Variants in IMMP2L observed in about 807,000 individuals in gnomAD.
IMMP2L encodes inner mitochondrial membrane peptidase subunit 2, also known as mitochondrial inner membrane protease subunit 2.
A neutral mutation model predicts 19.3 loss-of-function variants in IMMP2L; 18 were observed. The observed-to-expected ratio is 0.93, with a 90% CI of 0.64 to 1.38. The LOEUF (loss-of-function observed/expected upper bound fraction) is 1.38, where lower values mean the gene tolerates loss of function less well. IMMP2L is among the 40% of genes most tolerant of loss of function. The pLI, the probability that IMMP2L is intolerant of heterozygous loss-of-function variation, is 0.00. For missense variants in IMMP2L, 233 were observed against 218.2 expected (o/e 1.07, Z -0.43); for synonymous variants, 76 against 73.0 (o/e 1.04, Z -0.21).
At chr7:110,970,856 C>T (rs1820070137) in intron 3 of IMMP2L, among the ~76,000 whole-genome samples, 1 of 152,098 alleles carries the variant, frequency 6.6e-6, no homozygotes. Flanking sequence ...ATAAATCCAT[C>T]AATCTAGCCT....
chr7:111,505,071 C>T (rs1043214873), intron 2 of IMMP2L, among the ~76,000 whole-genome samples: 4 of 152,034 alleles, frequency 2.6e-5, no homozygotes, highest in Non-Finnish European at 4.4e-5. Context: ...GCAACCTACT[C>T]ATCTGACAAA....
At chr7:110,981,269 A>C (rs1821267437) in intron 3 of IMMP2L, among the ~76,000 whole-genome samples, 1 of 152,108 alleles carries the variant, frequency 6.6e-6, no homozygotes, top group South Asian at 2.1e-4. Flanking sequence ...TGAAAATAAA[A>C]AAAGAAAAAA....
At chr7:111,015,183 C>A (rs140432763) in intron 3 of IMMP2L, among the ~76,000 whole-genome samples, 149 of 152,142 alleles carry the variant, frequency 9.8e-4, no homozygotes, top group African/African-American at 3.5e-3. Flanking sequence ...AATGGACAAA[C>A]AAATGTGATA....
intron 1 of IMMP2L, among the ~76,000 whole-genome samples, chr7:111,523,833 T>C (rs759662857): frequency 9.2e-5 from 14 of 152,154 alleles, no homozygotes; most frequent in Non-Finnish European, 1.9e-4. Flanking sequence ...TTAACCACTA[T>C]ATTCCTAAAA....
At chr7:110,831,332 TC>T (rs1262605218) in intron 5 of IMMP2L, among the ~76,000 whole-genome samples, 1 of 152,076 alleles carries the variant, frequency 6.6e-6, no homozygotes, top group African/African-American at 2.4e-5. Context: ...TATTGCCCCC[TC>T]CCCTAGAAAC....
chr7:111,064,199 T>TAA lies in IMMP2L; in HGVS notation c.240-100636_240-100635dup, dbSNP rs1586039380. On this transcript the variant is annotated intron_variant, in intron 3 of 5. Transcript: ENST00000405709. Reference sequence around the variant, plus strand: ...CTTGTGCAGGGAAACTCTTACTTTTTAAACCATCAGATCTCATGGGATGCT... The same window carrying TAA: ...CTTGTGCAGGGAAACTCTTACTTTTTAAAAACCATCAGATCTCATGGGATGCT... 2.0e-5 allele frequency among the ~76,000 whole-genome samples: 3 copies of TAA among 152,268 alleles called. No homozygotes were observed. The East Asian group carries it at 5.8e-4, about 29-fold the overall frequency.
At chr7:111,495,836 TC>T (rs1018378870) in intron 2 of IMMP2L, among the ~76,000 whole-genome samples, 4 of 152,168 alleles carry the variant, frequency 2.6e-5, no homozygotes, top group Non-Finnish European at 5.9e-5. Context: ...TACAATGCTT[TC>T]AACCTTTTCA....
At chr7:111,250,325 C>A (rs372944729) in intron 3 of IMMP2L, among the ~76,000 whole-genome samples, 7 of 152,230 alleles carry the variant, frequency 4.6e-5, no homozygotes, top group African/African-American at 1.2e-4. Context: ...AATGGCCATA[C>A]TCCCCAAAGT....
intron 3 of IMMP2L, among the ~76,000 whole-genome samples, chr7:111,446,112 C>A (rs959144958): frequency 6.6e-6 from 1 of 151,970 alleles, no homozygotes; most frequent in African/African-American, 2.4e-5. Context: ...AACTGCAAGG[C>A]GGCAGCAAGG....
chr7:111,144,690 G>A lies in IMMP2L; in HGVS notation c.240-181125C>T, dbSNP rs538328825. On this transcript the variant is annotated intron_variant, in intron 3 of 5. Coordinates refer to ENST00000405709, the MANE Select transcript of IMMP2L (RefSeq NM_032549.4). ...ATAAAAAACAGTAGACAAGAAATAAGTGAATGGATTACAATGAAAGAGATA... is the reference window on the plus strand; with the variant it reads ...ATAAAAAACAGTAGACAAGAAATAAATGAATGGATTACAATGAAAGAGATA... Among the ~76,000 whole-genome samples the A allele has an allele frequency of 8.5e-5, 13 of 152,174 alleles. No individual in the cohort carries two copies. In the South Asian group the frequency reaches 2.3e-3, roughly 27 times the overall value.
rs1808410781 is a variant in IMMP2L, at chr7:110,870,396, T to A, written c.408+16197A>T. On this transcript the variant is annotated intron_variant, in intron 5 of 5. Coordinates refer to ENST00000405709, the MANE Select transcript of IMMP2L (RefSeq NM_032549.4). The surrounding 1 kb of genome is among the most constrained non-coding windows in gnomAD (Gnocchi z 4.2). The stretch of plus-strand genomic sequence containing the variant: ...TTAACAAAATGTAGTAGGTGCCTAT[T>A]ATGAGCCAGCCAGGCACTGTGCTAC... Among the ~76,000 whole-genome samples, 1 of 152,106 alleles carries A rather than the reference T, an allele frequency of 6.6e-6. No individual in the cohort carries two copies. Among genetic ancestry groups the A allele is most frequent in the Non-Finnish European group, 1.5e-5 (1 of 68,018 alleles).
At chr7:111,306,561 G>T (rs934371495) in intron 3 of IMMP2L, among the ~76,000 whole-genome samples, 1 of 150,654 alleles carries the variant, frequency 6.6e-6, no homozygotes, top group African/African-American at 2.4e-5. Flanking sequence ...ATATTTAAAG[G>T]CCTTTCATTT....
At chr7:111,554,904 C>CT (rs1442172480) in intron 1 of IMMP2L, among the ~76,000 whole-genome samples, 3 of 152,196 alleles carry the variant, frequency 2.0e-5, no homozygotes, top group Admixed American at 6.5e-5. Context: ...TTTATATATC[C>CT]ATTTTTCTCA....
intron 1 of IMMP2L, among the ~76,000 whole-genome samples, chr7:111,537,857 G>A (rs1211427431): frequency 6.6e-6 from 1 of 151,814 alleles, no homozygotes; most frequent in African/African-American, 2.4e-5. Context: ...AGCACATCAT[G>A]CTTCAACCAA....
intron 3 of IMMP2L, among the ~76,000 whole-genome samples, chr7:111,057,350 A>T (rs1793606039): frequency 2.0e-5 from 3 of 152,150 alleles, no homozygotes; most frequent in Admixed American, 2.0e-4. Flanking sequence ...AAAGAAGACG[A>T]TACTAAGTTG....
intron 5 of IMMP2L, among the ~76,000 whole-genome samples, chr7:110,738,472 G>A (rs1187471577): frequency 1.3e-5 from 2 of 152,066 alleles, no homozygotes; most frequent in African/African-American, 4.8e-5. Context: ...GAAAGAACTT[G>A]AGAACTCAAA....
intron 3 of IMMP2L, among the ~76,000 whole-genome samples, chr7:111,217,282 G>A (rs967380815): frequency 1.1e-4 from 16 of 152,006 alleles, no homozygotes; most frequent in Admixed American, 6.6e-5. Context: ...CAGGAGCCTA[G>A]CAGAATAGAA....
At chr7:110,908,205 T>G (rs1812674721) in intron 4 of IMMP2L, among the ~76,000 whole-genome samples, 1 of 152,138 alleles carries the variant, frequency 6.6e-6, no homozygotes, top group African/African-American at 2.4e-5. Flanking sequence ...GCAACCTCAG[T>G]GTCCAGAAAA....
intron 3 of IMMP2L, among the ~76,000 whole-genome samples, chr7:111,059,305 A>G (rs926105938): frequency 6.6e-6 from 1 of 152,184 alleles, no homozygotes; most frequent in African/African-American, 2.4e-5. Flanking sequence ...TCAATGGTAG[A>G]TAAGTAGGCA....
Sources: allele counts gnomAD v4.1 joint callset (sites outside exome capture counted in the v4.1 genomes callset), GRCh38; gene constraint gnomAD v4.1.1; non-coding constraint Gnocchi (gnomAD v3.1); transcripts MANE v1.5; gene names NCBI Gene and HGNC (gene_info 2026-07-23, HGNC 2026-07-21).